The following MAGI2 variants were observed in gnomAD, a reference collection of about 807,000 sequenced individuals.
MAGI2 encodes membrane associated guanylate kinase, WW and PDZ domain containing 2, also known as membrane-associated guanylate kinase, WW and PDZ domain-containing protein 2.
In MAGI2, 35 loss-of-function variants were observed where a neutral mutation model predicts 133.3. The observed-to-expected ratio is 0.26, with a 90% confidence interval of 0.20 to 0.35. MAGI2 has a LOEUF of 0.35. Among genes scored for constraint, MAGI2 ranks in the 10% least tolerant of loss-of-function variants. The pLI, the probability that MAGI2 is intolerant of heterozygous loss-of-function variation, is 1.00. For synonymous variants in MAGI2, 729 were observed against 710.6 expected, an observed-to-expected ratio of 1.03 and a Z score of -0.41; for missense variants, 1,636 against 1,863.4, an observed-to-expected ratio of 0.88 and a Z score of 2.25.
At chr7:78,626,253 T>C (rs1808330262) in intron 3 of MAGI2, among the ~76,000 whole-genome samples, 1 of 152,212 alleles carries the variant, frequency 6.6e-6, no homozygotes, top group Admixed American at 6.5e-5. Context: ...TCTACTTTTT[T>C]AGTTATAATT....
intron 16 of MAGI2, among the ~76,000 whole-genome samples, chr7:78,148,967 A>C (rs951199797): frequency 6.6e-6 from 1 of 152,168 alleles, no homozygotes; most frequent in Non-Finnish European, 1.5e-5. Flanking sequence ...AATAGGTAGT[A>C]TGAAGGGTAG....
At chr7:79,396,706 A>T (rs1014684422) in intron 1 of MAGI2, among the ~76,000 whole-genome samples, 1 of 152,138 alleles carries the variant, frequency 6.6e-6, no homozygotes, top group Non-Finnish European at 1.5e-5. Context: ...ACTCTCTGAC[A>T]CTCAGAGTTC....
At chr7:78,326,763 T>C (rs1424695549) in intron 9 of MAGI2, among the ~76,000 whole-genome samples, 3 of 152,210 alleles carry the variant, frequency 2.0e-5, no homozygotes, top group East Asian at 3.8e-4. Context: ...CTTTTTGCTA[T>C]AATATATTCA....
intron 21 of MAGI2, among the ~76,000 whole-genome samples, chr7:78,049,006 G>A (rs1233864899): frequency 6.6e-6 from 1 of 151,766 alleles, no homozygotes; most frequent in Non-Finnish European, 1.5e-5. Context: ...TACTTGGGAG[G>A]CTGAGGCAGG....
At chr7:78,522,648 G>A (rs1434374291) in intron 3 of MAGI2, among the ~76,000 whole-genome samples, 1 of 152,138 alleles carries the variant, frequency 6.6e-6, no homozygotes, top group Non-Finnish European at 1.5e-5. Context: ...CCAAAGTGCT[G>A]GGATTACAGG....
At chr7:79,039,056 A>G (rs938833145) in intron 1 of MAGI2, among the ~76,000 whole-genome samples, 92 of 152,150 alleles carry the variant, frequency 6.0e-4, no homozygotes, top group Non-Finnish European at 3.2e-4. Flanking sequence ...TGTAATCTGA[A>G]TTGTAATCCC....
rs186504077 is a variant in MAGI2 at position 79,312,873 on chromosome 7, G to A, written c.301+140147C>T. Among the ~76,000 whole-genome samples, 332 of 152,212 alleles carry A rather than the reference G, an allele frequency of 2.2e-3. 5 individuals are homozygous for A. Among genetic ancestry groups the A allele is most frequent in the Non-Finnish European group, 5.9e-4 (40 of 68,000 alleles). ...GTGCAGTAACAATAAAGATGCAGTTGCACCGTACAGGCACCCTCCTCCCCC... is the reference window on the plus strand; with the variant it reads ...GTGCAGTAACAATAAAGATGCAGTTACACCGTACAGGCACCCTCCTCCCCC... On this transcript the variant is annotated intron_variant, in intron 1 of 21. Transcript: ENST00000354212.
intron 6 of MAGI2, among the ~76,000 whole-genome samples, chr7:78,437,408 G>T (rs1800401596): frequency 6.6e-6 from 1 of 152,130 alleles, no homozygotes; most frequent in South Asian, 2.1e-4. Context: ...CTTCACTGAG[G>T]GCATAACAGA....
intron 10 of MAGI2, among the ~76,000 whole-genome samples, chr7:78,250,933 T>C (rs1792319870): frequency 6.6e-6 from 1 of 151,848 alleles, no homozygotes; most frequent in African/African-American, 2.4e-5. Context: ...ATATATCACA[T>C]GAAAAGAAAA....
At chr7:78,237,652 T>C (rs1407325926) in intron 10 of MAGI2, among the ~76,000 whole-genome samples, 2 of 151,942 alleles carry the variant, frequency 1.3e-5, no homozygotes, top group Non-Finnish European at 2.9e-5. Flanking sequence ...GTTCTTTTTA[T>C]TTTTTTTATG....
chr7:78,583,359 G>T, intron 3 of MAGI2: 1 of 184,396 alleles, frequency 5.4e-6, no homozygotes, highest in South Asian at 7.7e-5. Flanking sequence ...TTAGCTGGGC[G>T]TGGTGGCGGG....
Position 79,179,052 on chromosome 7 carries a change from A to T in MAGI2, c.302-171846T>A, listed in dbSNP as rs962615669. ...TTTGTCACTAGAGTTACCTCAGCAA[A>T]CATCATAAACAACAATCCTCACCAT... On this transcript the variant is annotated intron_variant, in intron 1 of 21. Transcript: ENST00000354212. 5.3e-5 allele frequency among the ~76,000 whole-genome samples: 8 copies of T among 151,962 alleles called. No individual in the cohort carries two copies. In the East Asian group the frequency reaches 1.3e-3, roughly 26 times the overall value.
intron 4 of MAGI2, among the ~76,000 whole-genome samples, chr7:78,507,017 A>C (rs981313111): frequency 1.3e-5 from 2 of 152,162 alleles, no homozygotes; most frequent in African/African-American, 4.8e-5. Flanking sequence ...CTGTTTATTC[A>C]TTCATTTCTT....
At chr7:78,490,272 G>A (rs980649245) in intron 5 of MAGI2, among the ~76,000 whole-genome samples, 1 of 152,038 alleles carries the variant, frequency 6.6e-6, no homozygotes, top group African/African-American at 2.4e-5. Context: ...TAGCTACAGA[G>A]CTGGCAGAGG....
intron 2 of MAGI2, among the ~76,000 whole-genome samples, chr7:78,642,011 T>G (rs976389815): frequency 6.6e-6 from 1 of 152,176 alleles, no homozygotes; most frequent in Admixed American, 6.5e-5. Context: ...TTTTAGGGTA[T>G]AATTATATAA....
At chr7:79,319,336 A>G (rs1010999998) in intron 1 of MAGI2, among the ~76,000 whole-genome samples, 10 of 152,194 alleles carry the variant, frequency 6.6e-5, no homozygotes, top group African/African-American at 2.4e-4. Context: ...ACTATTTCAG[A>G]TGCTTGCTTT....
At chr7:78,617,419 T>C (rs921950499) in intron 3 of MAGI2, 1 of 152,118 alleles carries the variant, frequency 6.6e-6, no homozygotes, top group Admixed American at 6.6e-5. Context: ...TGTGGACAAT[T>C]GATCCTGATT....
At chr7:78,764,343 A>T (rs1824799866) in intron 2 of MAGI2, among the ~76,000 whole-genome samples, 1 of 152,076 alleles carries the variant, frequency 6.6e-6, no homozygotes, top group Non-Finnish European at 1.5e-5. Flanking sequence ...GTACTTCAAG[A>T]TATAATGGGA....
intron 1 of MAGI2, among the ~76,000 whole-genome samples, chr7:79,403,752 C>G (rs140981685): frequency 1.6e-4 from 24 of 152,202 alleles, no homozygotes; most frequent in South Asian, 2.1e-4. Context: ...ACTACTGAGA[C>G]TTTAGAGAAA....
Sources: gnomAD v4.1 joint callset for allele counts (sites outside exome capture counted in the v4.1 genomes callset) on GRCh38, gnomAD v4.1.1 for gene constraint, MANE v1.5 for transcripts, NCBI Gene and HGNC (gene_info 2026-07-23, HGNC 2026-07-21) for gene names.